STK3: variants seen among roughly 807,000 people sequenced by gnomAD.
STK3 encodes serine/threonine kinase 3.
In STK3, 41 loss-of-function variants were observed where a neutral mutation model predicts 58.0. The ratio of observed to expected loss-of-function variants is 0.71; its 90% CI spans 0.55 to 0.92. The LOEUF is 0.92. Among genes scored for constraint, STK3 ranks in the 40% least tolerant of loss-of-function variants. STK3 has a pLI of 0.00. For missense variants in STK3, 479 were observed against 602.7 expected (o/e 0.79, Z 2.15); for synonymous variants, 170 against 191.0 (o/e 0.89, Z 0.91).
At chr8:98,915,455 TATATATATATATATAG>T (rs1378332720) in intron 1 of STK3, among the ~76,000 whole-genome samples, 20 of 138,630 alleles carry the variant, frequency 1.4e-4, no homozygotes, top group Non-Finnish European at 3.0e-4. Context: ...TATATATATA[TATATATATATATATAG>T]TTCTGTCCTC....
chr8:98,370,660 C>T (rs1817601570), downstream of STK3, among the ~76,000 whole-genome samples: 1 of 152,112 alleles, frequency 6.6e-6, no homozygotes, highest in Non-Finnish European at 1.5e-5. Context: ...ACTCAGGGGC[C>T]CACATCATCC....
intron 4 of STK3, among the ~76,000 whole-genome samples, chr8:98,726,379 A>G (rs747962890): frequency 3.9e-5 from 6 of 152,240 alleles, no homozygotes; most frequent in Non-Finnish European, 7.3e-5. Context: ...TTTAGAAAAG[A>G]TGTAATGAAG....
chr8:98,685,285 T>G (rs575244866), intron 6 of STK3, among the ~76,000 whole-genome samples: 1 of 152,128 alleles, frequency 6.6e-6, no homozygotes, highest in Non-Finnish European at 1.5e-5. Flanking sequence ...AGTAGGAAAA[T>G]GATAATTATT....
At chr8:98,659,812 G>A (rs1037737089) in intron 6 of STK3, among the ~76,000 whole-genome samples, 1 of 151,368 alleles carries the variant, frequency 6.6e-6, no homozygotes, top group Non-Finnish European at 1.5e-5. Flanking sequence ...CAAAACAGGT[G>A]GAAAATATAA....
intron 6 of STK3, among the ~76,000 whole-genome samples, chr8:98,650,775 C>T (rs572386094): frequency 6.6e-6 from 1 of 152,186 alleles, no homozygotes; most frequent in Non-Finnish European, 1.5e-5. Context: ...AAGGTGGCAG[C>T]GAGGCTGGGG....
At chr8:98,893,540 A>AAAGAAAGAAAG (rs1564087625) in intron 1 of STK3, among the ~76,000 whole-genome samples, 9 of 141,666 alleles carry the variant, frequency 6.4e-5, no homozygotes, top group African/African-American at 1.6e-4. Flanking sequence ...AAGAAAGAAA[A>AAAGAAAGAAAG]AGAAAGAGAA....
intron 4 of STK3, among the ~76,000 whole-genome samples, chr8:98,727,866 T>A (rs1281348375): frequency 6.6e-6 from 1 of 152,214 alleles, no homozygotes; most frequent in Non-Finnish European, 1.5e-5. Flanking sequence ...CAGTTTCCAT[T>A]CATTTTTATG....
At chr8:98,503,956 T>C (rs1213230182) in intron 10 of STK3, among the ~76,000 whole-genome samples, 1 of 152,158 alleles carries the variant, frequency 6.6e-6, no homozygotes, top group Non-Finnish European at 1.5e-5. Flanking sequence ...CTGGATATCC[T>C]GTCTTGTTGA....
intron 9 of STK3, among the ~76,000 whole-genome samples, chr8:98,546,750 C>T (rs1810732356): frequency 1.3e-5 from 2 of 152,080 alleles, no homozygotes; most frequent in South Asian, 4.1e-4. Context: ...AAGATGTAGG[C>T]TGCTTTCCAG....
intron 3 of STK3, among the ~76,000 whole-genome samples, chr8:98,395,977 T>G (rs975860563): frequency 3.3e-5 from 5 of 152,222 alleles, no homozygotes; most frequent in African/African-American, 1.2e-4. Flanking sequence ...CACTGAATTT[T>G]TTTGTACCAT....
intron 3 of STK3, among the ~76,000 whole-genome samples, chr8:98,756,105 T>G (rs969370939): frequency 3.3e-5 from 5 of 150,940 alleles, no homozygotes; most frequent in African/African-American, 1.2e-4. Context: ...ATCGTGCCAC[T>G]GCACTCCTGC....
chr8:98,749,026 A>G (rs1487898271), intron 4 of STK3, among the ~76,000 whole-genome samples: 1 of 152,002 alleles, frequency 6.6e-6, no homozygotes, highest in African/African-American at 2.4e-5. Flanking sequence ...GAAGAGAAGT[A>G]CCATGGTAGT....
At position 98,774,834 on chromosome 8, in the gene STK3, AAAG is replaced by A. The variant is rs1831559182; in HGVS notation, c.27-18_27-16del. On this transcript the variant is annotated splice_polypyrimidine_tract_variant and intron_variant, in intron 1 of 10. Transcript: ENST00000419617. ...TTTTTAGTTTACTGATTTAAAAAAG[AAAG>A]AAGAAAGAAAATATTTTCTTTAAAG... 3 of 1,518,294 alleles carry A rather than the reference AAAG, an allele frequency of 2.0e-6. No individual in the cohort carries two copies. The highest frequency in any genetic ancestry group is 2.6e-6 in the Non-Finnish European group (3 of 1,135,620). The allele number at this position is 1,518,294 out of a possible 1,614,324, so 94.1% of individuals were successfully genotyped here.
rs557492751 is a variant in STK3 at position 98,554,289 on chromosome 8, C to T, written c.949-6128G>A. Among the ~76,000 whole-genome samples the T allele has an allele frequency of 7.6e-4, 115 of 152,204 alleles. 1 individual carries two copies. The highest frequency in any genetic ancestry group is 2.6e-3 in the African/African-American group (110 of 41,560). On this transcript the variant is annotated intron_variant, in intron 8 of 10. Transcript: ENST00000419617. Reference sequence around the variant, plus strand: ...GCTGGTTGAATATCTTATTTTGTCACGGTTGCAACCAGTTTATTCCCAAAA... The same window carrying T: ...GCTGGTTGAATATCTTATTTTGTCATGGTTGCAACCAGTTTATTCCCAAAA...
chr8:98,529,266 T>C (rs899434443), intron 9 of STK3, among the ~76,000 whole-genome samples: 1 of 150,426 alleles, frequency 6.6e-6, no homozygotes, highest in Admixed American at 6.6e-5. Context: ...GAATTCTTAA[T>C]CAAACTTCAA....
At chr8:98,835,028 GA>G (rs1207983842) in intron 3 of STK3, among the ~76,000 whole-genome samples, 11 of 152,162 alleles carry the variant, frequency 7.2e-5, no homozygotes, top group Admixed American at 5.9e-4. Flanking sequence ...CAAAGTTCAG[GA>G]ACATAAAGAT....
intron 6 of STK3, chr8:98,651,785 A>C (rs1360897146): frequency 1.3e-5 from 2 of 152,194 alleles, no homozygotes; most frequent in Admixed American, 1.3e-4. Context: ...TTAGAGAAAA[A>C]AGAATGAAAA....
downstream of STK3, among the ~76,000 whole-genome samples, chr8:98,450,537 T>A (rs529697947): frequency 2.9e-4 from 44 of 152,348 alleles, no homozygotes; most frequent in African/African-American, 1.0e-3. Context: ...TAATTTCTGA[T>A]GCCAGGCTCC....
intron 6 of STK3, among the ~76,000 whole-genome samples, chr8:98,626,832 C>A (rs1422841881): frequency 1.3e-5 from 2 of 152,176 alleles, no homozygotes; most frequent in Non-Finnish European, 2.9e-5. Flanking sequence ...TAATCACCAA[C>A]CAAACAGCTT....
Sources: gnomAD v4.1 joint callset for allele counts (sites outside exome capture counted in the v4.1 genomes callset) on GRCh38, gnomAD v4.1.1 for gene constraint, MANE v1.5 for transcripts, NCBI Gene and HGNC (gene_info 2026-07-23, HGNC 2026-07-21) for gene names.